Variants in MLPH observed in about 807,000 individuals in gnomAD.
MLPH encodes the protein exophilin-3.
Under a neutral mutation model 72.1 loss-of-function variants are expected in MLPH, and 51 were observed. The observed-to-expected ratio is 0.71, with a 90% CI of 0.56 to 0.89. The LOEUF is 0.89. Among genes scored for constraint, MLPH ranks in the 40% least tolerant of loss-of-function variants. The probability of loss-of-function intolerance (pLI) is 0.00; values close to 1 mark genes in which losing one functional copy is unlikely to be tolerated. For missense variants in MLPH, 743 were observed against 759.9 expected (o/e 0.98, Z 0.26); for synonymous variants, 301 against 310.1 (o/e 0.97, Z 0.31).
At chr2:237,524,863 C>T (rs532009189) in intron 6 of MLPH, among the ~76,000 whole-genome samples, 2 of 152,312 alleles carry the variant, frequency 1.3e-5, no homozygotes, top group African/African-American at 4.8e-5. Context: ...AGAGCTGGGG[C>T]GGGGCTCGGT....
In MLPH at chr2:237,540,671, C is replaced by T. The variant is rs956957665; in HGVS notation, c.1291-131C>T. ...CAAGGGCCCTTGATGGGGTCTGCAGCGGGTGGCCGGCTCCTGACCAACCAG... is the reference window on the plus strand; with the variant it reads ...CAAGGGCCCTTGATGGGGTCTGCAGTGGGTGGCCGGCTCCTGACCAACCAG... On this transcript the variant is annotated intron_variant, in intron 10 of 15. Coordinates refer to ENST00000264605, the MANE Select transcript of MLPH (RefSeq NM_024101.7). 20 of 1,493,390 alleles carry T rather than the reference C, an allele frequency of 1.3e-5. No homozygotes were observed. In the East Asian group the frequency reaches 1.5e-4, roughly 11 times the overall value. The allele number at this position is 1,493,390 out of a possible 1,614,324, so 92.5% of individuals were successfully genotyped here.
chr2:237,527,052 G>A (rs1321609114), intron 7 of MLPH, among the ~76,000 whole-genome samples: 1 of 152,170 alleles, frequency 6.6e-6, no homozygotes, highest in Non-Finnish European at 1.5e-5. Flanking sequence ...GAAACAACAT[G>A]TTTATGATCT....
At chr2:237,509,409 A>C (rs2079843855) in intron 2 of MLPH, among the ~76,000 whole-genome samples, 1 of 152,156 alleles carries the variant, frequency 6.6e-6, no homozygotes, top group Non-Finnish European at 1.5e-5. Context: ...CCTGGGACAG[A>C]GGCTAACAAG....
chr2:237,493,038 A>G (rs753469473), intron 1 of MLPH, among the ~76,000 whole-genome samples: 1 of 152,138 alleles, frequency 6.6e-6, no homozygotes, highest in African/African-American at 2.4e-5. Flanking sequence ...GGAATGGCGC[A>G]TTTCTCCCAG....
intron 2 of MLPH, among the ~76,000 whole-genome samples, chr2:237,497,248 G>T (rs1436958938): frequency 2.0e-5 from 3 of 152,218 alleles, no homozygotes; most frequent in Admixed American, 6.5e-5. Flanking sequence ...GTGCAATTCG[G>T]TTCCTCACAG....
Position 237,505,462 on chromosome 2 carries a change from C to T in MLPH, c.111-5112C>T, listed in dbSNP as rs1310854203. ...CAACGCAAGTGGAGGCCCACAGGAC[C>T]CCTCATGCAGGCTCTTCCCCCGCCT... On this transcript the variant is annotated intron_variant, in intron 2 of 15. Transcript: ENST00000264605. The surrounding 1 kb of genome is among the most constrained non-coding windows in gnomAD (Gnocchi z 4.5). Among the ~76,000 whole-genome samples, 1 of 152,198 alleles carries T rather than the reference C, an allele frequency of 6.6e-6. No individual in the cohort carries two copies. The highest frequency in any genetic ancestry group is 1.5e-5 in the Non-Finnish European group (1 of 68,038).
intron 2 of MLPH, among the ~76,000 whole-genome samples, chr2:237,502,068 A>G (rs888959277): frequency 6.6e-6 from 1 of 152,170 alleles, no homozygotes; most frequent in Non-Finnish European, 1.5e-5. Flanking sequence ...AGCTGAGGAT[A>G]TCCTCGTGAT....
At position 237,507,703 on chromosome 2, in the gene MLPH, T is replaced by C. The variant is rs150605957; in HGVS notation, c.111-2871T>C. Among the ~76,000 whole-genome samples the C allele has an allele frequency of 4.9e-3, 747 of 152,336 alleles. 18 individuals carry two copies. Among genetic ancestry groups the C allele is most frequent in the Admixed American group, 0.043 (661 of 15,300 alleles). ...AAACTGTCAAGCTCACAGCAGGCGATATATGTTTTCCAGAATTCTACTTTG... is the reference window on the plus strand; with the variant it reads ...AAACTGTCAAGCTCACAGCAGGCGACATATGTTTTCCAGAATTCTACTTTG... On this transcript the variant is annotated intron_variant, in intron 2 of 15. Transcript: ENST00000264605.
chr2:237,530,785 T>A lies in MLPH; in HGVS notation c.1020+3269T>A, dbSNP rs2080404292. The stretch of plus-strand genomic sequence containing the variant: ...AAGGCCCTGACACAAGGAAGTGTCC[T>A]TTCATTCAGATCAGGGAGTGACTGG... On this transcript the variant is annotated intron_variant, in intron 8 of 15. Transcript: ENST00000264605. 2.6e-5 allele frequency among the ~76,000 whole-genome samples: 4 copies of A among 152,210 alleles called. No homozygotes were observed. In the South Asian group the frequency reaches 8.3e-4, roughly 32 times the overall value.
Position 237,546,619 on chromosome 2 carries a change from G to C in MLPH, c.1553G>C (p.Arg518Pro), listed in dbSNP as rs759732029. ...TTTGCCCTCCAGATATTTCTCCCTC[G>C]AGTGGCTGGGAAACTTGGCAAGAGA... ...RKSNLPIFLP[R>P]VAGKLGKRPE... The change falls in exon 13 of 16, where the codon CGA becomes CCA. Residue 518 changes from arginine (R) to proline (P), a missense_variant. Transcript: ENST00000264605. 6.2e-7 allele frequency: 1 copy of C among 1,614,022 alleles called. No homozygotes were observed. The highest frequency in any genetic ancestry group is 8.5e-7 in the Non-Finnish European group (1 of 1,179,984).
intron 13 of MLPH, among the ~76,000 whole-genome samples, chr2:237,548,437 GAGAC>G (rs1314344830): frequency 1.3e-5 from 2 of 152,374 alleles, no homozygotes; most frequent in African/African-American, 4.8e-5. Flanking sequence ...AACTGGAAAA[GAGAC>G]AGGAGGAGAA....
chr2:237,549,598 C>T (rs1368140583), intron 14 of MLPH, among the ~76,000 whole-genome samples: 1 of 152,150 alleles, frequency 6.6e-6, no homozygotes, highest in African/African-American at 2.4e-5. Context: ...AAGTACGGCT[C>T]ATCATTTAGC....
intron 2 of MLPH, among the ~76,000 whole-genome samples, chr2:237,497,544 G>T (rs547693853): frequency 2.0e-5 from 3 of 152,190 alleles, no homozygotes; most frequent in Admixed American, 2.0e-4. Context: ...AACACGCCTC[G>T]CAGTGTGCTC....
chr2:237,528,533 T>G (rs2080353193), intron 8 of MLPH, among the ~76,000 whole-genome samples: 1 of 152,146 alleles, frequency 6.6e-6, no homozygotes, highest in South Asian at 2.1e-4. Flanking sequence ...GTATTTTTAG[T>G]AGAGACGGGG....
chr2:237,541,053 C>T lies in MLPH; in HGVS notation c.1446+96C>T. 1 of 1,466,344 alleles carries T rather than the reference C, an allele frequency of 6.8e-7. No individual in the cohort carries two copies. The highest frequency in any genetic ancestry group is 9.3e-7 in the Non-Finnish European group (1 of 1,073,136). The allele number at this position is 1,466,344 out of a possible 1,614,324, so 90.8% of individuals were successfully genotyped here. On this transcript the variant is annotated intron_variant, in intron 11 of 15. Coordinates refer to ENST00000264605, the MANE Select transcript of MLPH (RefSeq NM_024101.7). The surrounding 1 kb of genome is among the most constrained non-coding windows in gnomAD (Gnocchi z 5.1). ...ATCTGCCAGCTCTAACATCCGCCAG[C>T]TCACACTGAGCCCTCCCCATTGGCC... is the stretch of plus-strand genomic sequence containing the variant.
In MLPH at chr2:237,534,382, C is replaced by T. The variant is rs13011946; in HGVS notation, c.1021-182C>T. On this transcript the variant is annotated intron_variant, in intron 8 of 15. Coordinates refer to ENST00000264605, the MANE Select transcript of MLPH (RefSeq NM_024101.7). The stretch of plus-strand genomic sequence containing the variant: ...CGCTCCAAGATTTTGCTTGGTGTTC[C>T]AGAACTCTTGGTGTTAGAAATGGGT... 0.039 allele frequency among the ~76,000 whole-genome samples: 5,934 copies of T among 152,224 alleles called. 173 individuals are homozygous for T. The highest frequency in any genetic ancestry group is 0.078 in the Middle Eastern group (23 of 294).
At chr2:237,545,812 A>G in intron 12 of MLPH, 2 of 280,452 alleles carry the variant, frequency 7.1e-6, no homozygotes, top group Non-Finnish European at 1.2e-5. Context: ...CAGATCAACA[A>G]CTAATAATCT....
intron 15 of MLPH, chr2:237,553,233 T>C: frequency 2.0e-6 from 1 of 499,444 alleles, no homozygotes; most frequent in Non-Finnish European, 4.0e-6. Flanking sequence ...CAATCCGAGG[T>C]ACTTTCCATT....
intron 2 of MLPH, among the ~76,000 whole-genome samples, chr2:237,501,810 T>C (rs999258535): frequency 6.6e-6 from 1 of 151,834 alleles, no homozygotes; most frequent in Non-Finnish European, 1.5e-5. Flanking sequence ...ATCGCGCCAC[T>C]GCACTCCTCA....
Sources: allele counts gnomAD v4.1 joint callset (sites outside exome capture counted in the v4.1 genomes callset), GRCh38; gene constraint gnomAD v4.1.1; non-coding constraint Gnocchi (gnomAD v3.1); transcripts MANE v1.5; gene names NCBI Gene and HGNC (gene_info 2026-07-23, HGNC 2026-07-21).